GIGYF2: variants seen among roughly 807,000 people sequenced by gnomAD.
GIGYF2 encodes GRB10-interacting GYF protein 2.
In GIGYF2, 25 loss-of-function variants were observed where a neutral mutation model predicts 208.1. The ratio of observed to expected loss-of-function variants is 0.12; its 90% confidence interval spans 0.09 to 0.17. The LOEUF (loss-of-function observed/expected upper bound fraction) is 0.17, where lower values mean the gene tolerates loss of function less well. Among genes scored for constraint, GIGYF2 ranks in the 10% least tolerant of loss-of-function variants. The pLI is 1.00. For synonymous variants in GIGYF2, 534 were observed against 543.8 expected (o/e 0.98, Z 0.25); for missense variants, 1,302 against 1,579.4 (o/e 0.82, Z 2.98).
chr2:232,801,229 T>G (rs1239352707), intron 14 of GIGYF2, among the ~76,000 whole-genome samples: 1 of 152,168 alleles, frequency 6.6e-6, no homozygotes, highest in Non-Finnish European at 1.5e-5. Flanking sequence ...AATTACATTT[T>G]TAAATAGTCA....
At chr2:232,840,556 A>G (rs1470209745) in intron 23 of GIGYF2, among the ~76,000 whole-genome samples, 2 of 149,266 alleles carry the variant, frequency 1.3e-5, no homozygotes, top group African/African-American at 4.9e-5. Context: ...TCATTCATTC[A>G]ACACATGTTT....
intron 5 of GIGYF2, among the ~76,000 whole-genome samples, chr2:232,756,014 A>T (rs553239669): frequency 6.6e-6 from 1 of 152,300 alleles, no homozygotes; most frequent in Non-Finnish European, 1.5e-5. Flanking sequence ...TTGATCTGAA[A>T]TGTTAATTTG....
At chr2:232,818,676 G>A (rs1700986142) in intron 20 of GIGYF2, among the ~76,000 whole-genome samples, 1 of 151,872 alleles carries the variant, frequency 6.6e-6, no homozygotes. Flanking sequence ...CTGTCACCCA[G>A]GCTGGAGGTA....
chr2:232,716,981 G>GTTT (rs57977288), intron 2 of GIGYF2, among the ~76,000 whole-genome samples: 1 of 139,846 alleles, frequency 7.2e-6, no homozygotes, highest in African/African-American at 2.6e-5. Context: ...AATTTTTGTT[G>GTTT]TTTTTTTTTT....
intron 16 of GIGYF2, 106 bp from the exon 17 acceptor site, chr2:232,811,135 CTAA>C (rs750686673): frequency 6.1e-5 from 42 of 691,402 alleles, no homozygotes; most frequent in Non-Finnish European, 1.0e-4. Context: ...ATAGCTATTT[CTAA>C]TAATGTCTCC....
chr2:232,737,123 T>C (rs531582126), intron 3 of GIGYF2, among the ~76,000 whole-genome samples: 2 of 152,362 alleles, frequency 1.3e-5, no homozygotes, highest in Admixed American at 6.5e-5. Context: ...GCCATTTGGT[T>C]CACAGAGCCT....
chr2:232,724,083 C>G (rs1197282388), intron 2 of GIGYF2, among the ~76,000 whole-genome samples: 3 of 151,852 alleles, frequency 2.0e-5, no homozygotes, highest in Non-Finnish European at 1.5e-5. Flanking sequence ...CTCTGTCACC[C>G]AGGCTGGAGT....
intron 19 of GIGYF2, among the ~76,000 whole-genome samples, chr2:232,816,078 T>TA (rs1276995303): frequency 2.0e-5 from 3 of 152,266 alleles, no homozygotes; most frequent in African/African-American, 4.8e-5. Flanking sequence ...AGACTCCTGA[T>TA]ATGTGGCATG....
intron 27 of GIGYF2, among the ~76,000 whole-genome samples, chr2:232,848,244 A>C (rs1045403108): frequency 6.6e-6 from 1 of 152,166 alleles, no homozygotes; most frequent in Non-Finnish European, 1.5e-5. Flanking sequence ...TTCGTGCCCA[A>C]ATGAAGCTTA....
rs554061145 is a variant in GIGYF2 at position 232,821,912 on chromosome 2, G to T, written c.2529+1927G>T. Among the ~76,000 whole-genome samples, 763 of 148,364 alleles carry T rather than the reference G, an allele frequency of 5.1e-3. 3 individuals carry two copies. The highest frequency in any genetic ancestry group is 7.6e-3 in the Non-Finnish European group (505 of 66,860). On this transcript the variant is annotated intron_variant, in intron 21 of 28. Transcript: ENST00000373563. ...TTACTTTTTCTATTGAATTTTTGAT[G>T]CTTTTGTCAAAGTCAATTGTATAAA...
intron 2 of GIGYF2, among the ~76,000 whole-genome samples, chr2:232,732,119 A>AT (rs1175421552): frequency 2.0e-5 from 3 of 152,166 alleles, no homozygotes; most frequent in African/African-American, 7.2e-5. Context: ...TTGGTGATGC[A>AT]GTAGTTAAGG....
intron 2 of GIGYF2, among the ~76,000 whole-genome samples, chr2:232,712,620 G>A (rs1022330): frequency 0.34 from 51,743 of 151,856 alleles, 9,103 homozygotes; most frequent in South Asian, 0.62. Context: ...ATAATATTTT[G>A]GTTTTTGCAA....
chr2:232,836,414 A>ATATAT (rs1701640203), intron 22 of GIGYF2, among the ~76,000 whole-genome samples: 1 of 134,226 alleles, frequency 7.5e-6, no homozygotes, highest in Non-Finnish European at 1.5e-5. Context: ...ATATATAAAT[A>ATATAT]AATTATTCAG....
At chr2:232,698,997 C>T (rs1243133141) in intron 1 of GIGYF2, among the ~76,000 whole-genome samples, 1 of 152,174 alleles carries the variant, frequency 6.6e-6, no homozygotes, top group East Asian at 1.9e-4. Context: ...CCAAACAATT[C>T]CTGTCTGTAT....
chr2:232,825,828 A>T (rs1439496836), intron 21 of GIGYF2, among the ~76,000 whole-genome samples: 2 of 151,528 alleles, frequency 1.3e-5, no homozygotes, highest in Non-Finnish European at 2.9e-5. Flanking sequence ...TACATTAGGT[A>T]TTTCTCCTAA....
At chr2:232,776,572 A>G in intron 8 of GIGYF2, 1 of 750,152 alleles carries the variant, frequency 1.3e-6, no homozygotes, top group Non-Finnish European at 2.4e-6. Flanking sequence ...GACTGGTTTT[A>G]CAGCTTACAT....
At chr2:232,814,291 G>T (rs1003493786) in intron 18 of GIGYF2, among the ~76,000 whole-genome samples, 1 of 151,820 alleles carries the variant, frequency 6.6e-6, no homozygotes, top group African/African-American at 2.4e-5. Context: ...GGCTGGGTGT[G>T]GTGGCTCACG....
intron 22 of GIGYF2, among the ~76,000 whole-genome samples, chr2:232,833,767 G>A (rs1015938647): frequency 1.3e-5 from 2 of 152,154 alleles, no homozygotes; most frequent in African/African-American, 4.8e-5. Flanking sequence ...ACGTTCAGAT[G>A]TGTAAATGGG....
Position 232,739,214 on chromosome 2 carries a change from C to T in GIGYF2, c.41+3976C>T, listed in dbSNP as rs182826079. Among the ~76,000 whole-genome samples, 261 of 151,486 alleles carry T rather than the reference C, an allele frequency of 1.7e-3. 3 individuals are homozygous for T. The highest frequency in any genetic ancestry group is 0.01 in the Admixed American group (153 of 15,194). ...CCTCTACTAAAAATACAAAGTTAGC[C>T]GGGCGTGGTGGATTGTGCCTGTAAT... On this transcript the variant is annotated intron_variant, in intron 3 of 28. Coordinates refer to ENST00000373563, the MANE Select transcript of GIGYF2 (RefSeq NM_001103146.3).
Sources: allele counts gnomAD v4.1 joint callset (sites outside exome capture counted in the v4.1 genomes callset), GRCh38; gene constraint gnomAD v4.1.1; transcripts MANE v1.5; gene names NCBI Gene and HGNC (gene_info 2026-07-23, HGNC 2026-07-21).